MSI2: variants seen among roughly 807,000 people sequenced by gnomAD.
MSI2 encodes RNA-binding protein Musashi homolog 2.
Under a neutral mutation model 45.6 loss-of-function variants are expected in MSI2, and 17 were observed. The ratio of observed to expected loss-of-function variants is 0.37; its 90% CI spans 0.26 to 0.56. MSI2 has a LOEUF of 0.56. Among genes scored for constraint, MSI2 ranks in the 20% least tolerant of loss-of-function variants. The pLI is 0.77. For synonymous variants in MSI2, 156 were observed against 158.2 expected, an observed-to-expected ratio of 0.99 and a Z score of 0.11; for missense variants, 293 against 444.2, an observed-to-expected ratio of 0.66 and a Z score of 3.06.
chr17:57,659,221 G>A lies in MSI2; in HGVS notation c.790+7060G>A, dbSNP rs1030060995. On this transcript the variant is annotated intron_variant, in intron 11 of 13. Transcript: ENST00000284073. ...AATGTAGGTTCATACTACCATGCCCGGCTTTGGTTTTTTTGTGTGTTTTTT... is the reference window on the plus strand; with the variant it reads ...AATGTAGGTTCATACTACCATGCCCAGCTTTGGTTTTTTTGTGTGTTTTTT... Among the ~76,000 whole-genome samples, 15 of 152,036 alleles carry A rather than the reference G, an allele frequency of 9.9e-5. No individual in the cohort carries two copies. In the East Asian group the frequency reaches 2.1e-3, roughly 22 times the overall value.
intron 5 of MSI2, among the ~76,000 whole-genome samples, chr17:57,359,170 C>T (rs533939277): frequency 3.3e-5 from 5 of 152,308 alleles, no homozygotes; most frequent in Middle Eastern, 3.4e-3. Flanking sequence ...CTAGGTCCCA[C>T]TGCTTGGGTT....
At chr17:57,276,739 A>T (rs1381691352) in intron 5 of MSI2, among the ~76,000 whole-genome samples, 1 of 152,148 alleles carries the variant, frequency 6.6e-6, no homozygotes, top group African/African-American at 2.4e-5. Context: ...TAAAAGGGCC[A>T]TGACTCATTT....
intron 11 of MSI2, among the ~76,000 whole-genome samples, chr17:57,669,575 G>A (rs1598510914): frequency 6.6e-6 from 1 of 152,222 alleles, no homozygotes; most frequent in East Asian, 1.9e-4. Flanking sequence ...AGGTAGAGGT[G>A]TGTGTTGGAG....
chr17:57,294,878 G>A (rs948902909), intron 5 of MSI2: 1 of 152,438 alleles, frequency 6.6e-6, no homozygotes. Flanking sequence ...GCTCTGGGTT[G>A]GGTGCAGGCC....
chr17:57,312,045 C>T (rs939576795), intron 5 of MSI2, among the ~76,000 whole-genome samples: 1 of 152,198 alleles, frequency 6.6e-6, no homozygotes, highest in African/African-American at 2.4e-5. Flanking sequence ...AGTCATAGCA[C>T]TCAAGCCTGG....
chr17:57,448,781 G>A (rs1214369274), intron 6 of MSI2: 1 of 152,252 alleles, frequency 6.6e-6, no homozygotes, highest in East Asian at 1.9e-4. Context: ...GAAGCCTAGA[G>A]AGGTTAAGGT....
At chr17:57,571,362 G>C (rs997523052) in intron 7 of MSI2, among the ~76,000 whole-genome samples, 3 of 152,140 alleles carry the variant, frequency 2.0e-5, no homozygotes, top group African/African-American at 4.8e-5. Context: ...GCCTGACCTT[G>C]CCACCTCAGA....
chr17:57,692,821 A>G, the MSI2 span, among the ~76,000 whole-genome samples: 1 of 149,578 alleles, frequency 6.7e-6, no homozygotes, highest in African/African-American at 2.5e-5. Flanking sequence ...TTTTTTTCTT[A>G]ATTTTACCTC....
intron 7 of MSI2, among the ~76,000 whole-genome samples, chr17:57,576,421 T>C (rs1234623598): frequency 6.6e-6 from 1 of 152,220 alleles, no homozygotes; most frequent in Non-Finnish European, 1.5e-5. Flanking sequence ...CTGTATTTCC[T>C]AAGACTCTAA....
chr17:57,330,918 T>TG (rs112085839), intron 5 of MSI2, among the ~76,000 whole-genome samples: 20 of 151,270 alleles, frequency 1.3e-4, no homozygotes, highest in African/African-American at 4.6e-4. Flanking sequence ...TTCTTTTTTT[T>TG]TGTGTGTGTG....
intron 7 of MSI2, among the ~76,000 whole-genome samples, chr17:57,570,822 G>A (rs1376005121): frequency 6.6e-6 from 1 of 152,214 alleles, no homozygotes; most frequent in African/African-American, 2.4e-5. Context: ...GAAGGCTGCT[G>A]GATCCTCTCT....
At chr17:57,294,619 C>T (rs953881559) in intron 5 of MSI2, 1 of 152,332 alleles carries the variant, frequency 6.6e-6, no homozygotes, top group African/African-American at 2.4e-5. Flanking sequence ...TGTGGTTCTC[C>T]TCCTTCCCTG....
chr17:57,375,312 G>A (rs1362934256), intron 5 of MSI2, among the ~76,000 whole-genome samples: 2 of 152,174 alleles, frequency 1.3e-5, no homozygotes, highest in Non-Finnish European at 2.9e-5. Flanking sequence ...TAGGTCAGCC[G>A]CACTTCCCCC....
At chr17:57,629,143 AG>A (rs1341162907) in intron 10 of MSI2, 1 of 152,264 alleles carries the variant, frequency 6.6e-6, no homozygotes, top group East Asian at 1.9e-4. Flanking sequence ...TTTAAATTAA[AG>A]TTGGCTGGGT....
intron 6 of MSI2, among the ~76,000 whole-genome samples, chr17:57,521,479 G>GC (rs1356526436): frequency 1.3e-5 from 2 of 152,180 alleles, no homozygotes; most frequent in African/African-American, 2.4e-5. Context: ...GCTCTTCCGA[G>GC]CTGCTTCTCA....
chr17:57,470,760 A>G (rs1402862952), intron 6 of MSI2, among the ~76,000 whole-genome samples: 1 of 152,176 alleles, frequency 6.6e-6, no homozygotes, highest in East Asian at 1.9e-4. Flanking sequence ...GAAGGTGGTA[A>G]AGCAGTAAAG....
chr17:57,425,330 A>T (rs987147916), intron 6 of MSI2, among the ~76,000 whole-genome samples: 3 of 152,234 alleles, frequency 2.0e-5, no homozygotes, highest in Non-Finnish European at 4.4e-5. Context: ...ACGAAAAGAC[A>T]TACTAGAAAA....
intron 9 of MSI2, among the ~76,000 whole-genome samples, chr17:57,617,235 T>C (rs1386848037): frequency 6.6e-6 from 1 of 152,244 alleles, no homozygotes; most frequent in African/African-American, 2.4e-5. Context: ...TCTCCTCATA[T>C]GAATTTTTTA....
chr17:57,544,121 G>A (rs1170853868), intron 7 of MSI2, among the ~76,000 whole-genome samples: 1 of 152,178 alleles, frequency 6.6e-6, no homozygotes, highest in African/African-American at 2.4e-5. Flanking sequence ...GTGTGCCTGT[G>A]AGTGTGTTTG....
Sources: gnomAD v4.1 joint callset for allele counts (sites outside exome capture counted in the v4.1 genomes callset) on GRCh38, gnomAD v4.1.1 for gene constraint, MANE v1.5 for transcripts, NCBI Gene and HGNC (gene_info 2026-07-23, HGNC 2026-07-21) for gene names.